CDH4: variants seen among roughly 807,000 people sequenced by gnomAD.
CDH4 encodes cadherin-4.
Under a neutral mutation model 86.0 loss-of-function variants are expected in CDH4, and 33 were observed. That is an observed-to-expected ratio of 0.38 (90% confidence interval 0.29 to 0.51). CDH4 has a LOEUF of 0.51. Ranked by LOEUF, CDH4 falls within the 20% of genes least tolerant of loss-of-function variation. The pLI, the probability that CDH4 is intolerant of heterozygous loss-of-function variation, is 0.86. For missense variants in CDH4, 1,114 were observed against 1,307.4 expected (o/e 0.85, Z 2.28); for synonymous variants, 555 against 549.4 (o/e 1.01, Z -0.14).
chr20:61,724,555 A>G (rs6142838), intron 2 of CDH4, among the ~76,000 whole-genome samples: 64,907 of 151,722 alleles, frequency 0.43, 14,016 homozygotes, highest in South Asian at 0.59. Flanking sequence ...TTCCAGACAG[A>G]AGAGGCAGCA....
In CDH4 at chr20:61,754,534, G is replaced by A. The variant is rs1456569101; in HGVS notation, c.396+10745G>A. The stretch of plus-strand genomic sequence containing the variant: ...CTTGGGGTGTCCCTGGGGAGAGGAG[G>A]GATGAGGAACGGGTGCCATTCCAAG... On this transcript the variant is annotated intron_variant, in intron 3 of 15. Transcript: ENST00000614565. The surrounding 1 kb of genome is among the most constrained non-coding windows in gnomAD (Gnocchi z 4.7). Among the ~76,000 whole-genome samples the A allele has an allele frequency of 6.6e-6, 1 of 152,106 alleles. No individual in the cohort carries two copies. Among genetic ancestry groups the A allele is most frequent in the Non-Finnish European group, 1.5e-5 (1 of 68,018 alleles).
chr20:61,493,476 G>A (rs1031317013), intron 2 of CDH4, among the ~76,000 whole-genome samples: 9 of 152,220 alleles, frequency 5.9e-5, no homozygotes, highest in African/African-American at 2.2e-4. Flanking sequence ...CTGGAAAGTG[G>A]GTGCTGATGC....
chr20:61,323,042 C>A (rs1053228223), intron 2 of CDH4, among the ~76,000 whole-genome samples: 2 of 152,178 alleles, frequency 1.3e-5, no homozygotes, highest in East Asian at 3.8e-4. Context: ...CATCCAAGGG[C>A]CTGAGCTTAT....
chr20:61,294,941 G>A (rs2084344135), intron 2 of CDH4, among the ~76,000 whole-genome samples: 1 of 152,238 alleles, frequency 6.6e-6, no homozygotes, highest in South Asian at 2.1e-4. Context: ...CCAGGCCCAG[G>A]CCTCTGCCCC....
chr20:61,798,430 G>T (rs1979660386), intron 4 of CDH4, among the ~76,000 whole-genome samples: 1 of 152,218 alleles, frequency 6.6e-6, no homozygotes, highest in Non-Finnish European at 1.5e-5. Flanking sequence ...CTACCTCCGT[G>T]CGCAGCAGGC....
At chr20:61,827,120 T>C (rs1419358366) in intron 4 of CDH4, among the ~76,000 whole-genome samples, 3 of 152,086 alleles carry the variant, frequency 2.0e-5, no homozygotes, top group African/African-American at 7.2e-5. Context: ...CGTCTCAGAA[T>C]AGACCTCGGT....
intron 2 of CDH4, among the ~76,000 whole-genome samples, chr20:61,386,239 C>T (rs991009241): frequency 6.6e-6 from 1 of 152,120 alleles, no homozygotes; most frequent in African/African-American, 2.4e-5. Context: ...TCGTGCTGTG[C>T]CTGGCCTCAC....
In CDH4 at chr20:61,321,288, G is replaced by A. The variant is rs777720280; in HGVS notation, c.169+66351G>A. On this transcript the variant is annotated intron_variant, in intron 2 of 15. Transcript: ENST00000614565. ...TCTTCTCATTGATCTAGGGAAGAGC[G>A]GGTTTCACCTTAGGAGGGCAGAGGG... Among the ~76,000 whole-genome samples the A allele has an allele frequency of 4.6e-5, 7 of 152,210 alleles. No homozygotes were observed. The East Asian group carries it at 5.8e-4, about 13-fold the overall frequency.
chr20:61,479,568 A>G (rs1024066192), intron 2 of CDH4, among the ~76,000 whole-genome samples: 1 of 152,256 alleles, frequency 6.6e-6, no homozygotes, highest in Non-Finnish European at 1.5e-5. Context: ...TCCAACAATG[A>G]TAGACTGGAT....
intron 2 of CDH4, among the ~76,000 whole-genome samples, chr20:61,715,926 A>G (rs2087947669): frequency 6.6e-6 from 1 of 152,138 alleles, no homozygotes; most frequent in Admixed American, 6.5e-5. Flanking sequence ...CCCCTCAGAG[A>G]CCCCACCTGA....
intron 2 of CDH4, among the ~76,000 whole-genome samples, chr20:61,602,221 A>AC (rs1233544464): frequency 2.6e-5 from 4 of 152,096 alleles, no homozygotes; most frequent in Admixed American, 1.3e-4. Flanking sequence ...CCTCGCTGAC[A>AC]CCCCAAAGCA....
chr20:61,864,632 T>C (rs1568856406), intron 6 of CDH4, among the ~76,000 whole-genome samples: 1 of 152,066 alleles, frequency 6.6e-6, no homozygotes. Flanking sequence ...CAGCTCCCTC[T>C]CCAGGACACA....
At chr20:61,868,942 GAC>G (rs985708221) in intron 6 of CDH4, among the ~76,000 whole-genome samples, 8 of 152,098 alleles carry the variant, frequency 5.3e-5, no homozygotes, top group Non-Finnish European at 1.0e-4. Context: ...GGCTGTGGTG[GAC>G]ACACACAAAG....
At chr20:61,727,343 T>C (rs566013239) in intron 2 of CDH4, among the ~76,000 whole-genome samples, 154 of 151,940 alleles carry the variant, frequency 1.0e-3, no homozygotes, top group African/African-American at 3.3e-3. Flanking sequence ...ATCGGTGCCT[T>C]CATCACCATT....
intron 6 of CDH4, among the ~76,000 whole-genome samples, chr20:61,868,414 A>G (rs1471376800): frequency 2.0e-5 from 3 of 152,166 alleles, no homozygotes; most frequent in Non-Finnish European, 2.9e-5. Flanking sequence ...CTAATGGGGC[A>G]GGGGCCAACA....
intron 4 of CDH4, among the ~76,000 whole-genome samples, chr20:61,833,804 T>C (rs2146085104): frequency 6.6e-6 from 1 of 152,274 alleles, no homozygotes; most frequent in East Asian, 1.9e-4. Flanking sequence ...TCATATACTC[T>C]TGGCAACAGC....
Position 61,393,499 on chromosome 20 carries a change from G to C in CDH4, c.169+138562G>C, listed in dbSNP as rs1311256391. On this transcript the variant is annotated intron_variant, in intron 2 of 15. Transcript: ENST00000614565. This position sits in a 1 kb window ranked among gnomAD's most constrained non-coding sequence, Gnocchi z 4.3. ...ACGCTGAACCACAACTTTCTTTCCA[G>C]AGTAATTCTGAATGACAGCCCAGAG... Among the ~76,000 whole-genome samples, 1 of 152,188 alleles carries C rather than the reference G, an allele frequency of 6.6e-6. No individual in the cohort carries two copies. Among genetic ancestry groups the C allele is most frequent in the East Asian group, 1.9e-4 (1 of 5,194 alleles).
In CDH4 at chr20:61,269,578, CTTAT is replaced by C. The variant is rs2084173373; in HGVS notation, c.169+14647_169+14650del. Among the ~76,000 whole-genome samples the C allele has an allele frequency of 1.3e-5, 2 of 152,048 alleles. No homozygotes were observed. Among genetic ancestry groups the C allele is most frequent in the South Asian group, 4.2e-4 (2 of 4,816 alleles). On this transcript the variant is annotated intron_variant, in intron 2 of 15. Transcript: ENST00000614565. The surrounding 1 kb of genome is among the most constrained non-coding windows in gnomAD (Gnocchi z 5.3). ...AAACACCAAGGCTTGCTGGCTTGCT[CTTAT>C]TTATTAATTATTTATTAGTTATAAT...
At chr20:61,677,196 G>C (rs1234066706) in intron 2 of CDH4, among the ~76,000 whole-genome samples, 2 of 152,208 alleles carry the variant, frequency 1.3e-5, no homozygotes, top group Non-Finnish European at 2.9e-5. Context: ...GGCTGGAGTA[G>C]GGGAAGGAGC....
Sources: gnomAD v4.1 joint callset for allele counts (sites outside exome capture counted in the v4.1 genomes callset) on GRCh38, gnomAD v4.1.1 for gene constraint, Gnocchi (gnomAD v3.1) non-coding constraint, MANE v1.5 for transcripts, NCBI Gene and HGNC (gene_info 2026-07-23, HGNC 2026-07-21) for gene names.